The following TFDP2 variants were observed in gnomAD, a reference collection of about 807,000 sequenced individuals.
The protein encoded by TFDP2 is transcription factor Dp-2 (E2F dimerization partner 2).
A neutral mutation model predicts 59.3 loss-of-function variants in TFDP2; 17 were observed. The ratio of observed to expected loss-of-function variants is 0.29; its 90% CI spans 0.20 to 0.43. The LOEUF (loss-of-function observed/expected upper bound fraction) is 0.43. Ranked by LOEUF, TFDP2 falls within the 20% of genes least tolerant of loss-of-function variation. The probability of loss-of-function intolerance (pLI) is 1.00; values close to 1 mark genes in which losing one functional copy is unlikely to be tolerated. For synonymous variants in TFDP2, 180 were observed against 194.7 expected, an observed-to-expected ratio of 0.92 and a Z score of 0.63; for missense variants, 391 against 528.8, an observed-to-expected ratio of 0.74 and a Z score of 2.56.
At chr3:141,957,463 G>A (rs1039577925) in intron 11 of TFDP2, among the ~76,000 whole-genome samples, 19 of 152,064 alleles carry the variant, frequency 1.2e-4, no homozygotes, top group Admixed American at 5.9e-4. Flanking sequence ...TTCACTCGTA[G>A]GTATATGTTT....
intron 3 of TFDP2, among the ~76,000 whole-genome samples, chr3:142,083,719 T>C (rs1202787932): frequency 3.3e-5 from 5 of 152,188 alleles, no homozygotes; most frequent in Admixed American, 6.5e-5. Flanking sequence ...AGTGAACTCA[T>C]TTTCCACAAA....
At chr3:141,997,706 T>A (rs1444202187) in intron 4 of TFDP2, among the ~76,000 whole-genome samples, 1 of 151,450 alleles carries the variant, frequency 6.6e-6, no homozygotes, top group Non-Finnish European at 1.5e-5. Flanking sequence ...AAAAATTAGC[T>A]GGGCGTGGGG....
At chr3:142,055,183 G>T (rs929769206) in intron 3 of TFDP2, among the ~76,000 whole-genome samples, 7 of 152,158 alleles carry the variant, frequency 4.6e-5, no homozygotes, top group African/African-American at 1.7e-4. Flanking sequence ...AGAGAAATGA[G>T]CTATTTTAGA....
intron 3 of TFDP2, among the ~76,000 whole-genome samples, chr3:142,038,711 T>C (rs928897720): frequency 2.0e-5 from 3 of 152,058 alleles, no homozygotes; most frequent in Non-Finnish European, 4.4e-5. Flanking sequence ...TGTACACATA[T>C]CGAGTCTTTC....
chr3:142,118,639 T>C (rs930044789), intron 1 of TFDP2, among the ~76,000 whole-genome samples: 1 of 152,038 alleles, frequency 6.6e-6, no homozygotes, highest in African/African-American at 2.4e-5. Flanking sequence ...TACTTTGGCA[T>C]TGAACCAAAA....
intron 3 of TFDP2, among the ~76,000 whole-genome samples, chr3:142,018,333 T>C (rs1013031705): frequency 6.6e-6 from 1 of 152,234 alleles, no homozygotes; most frequent in Non-Finnish European, 1.5e-5. Flanking sequence ...AAAGTTTTAG[T>C]ATTACATATA....
intron 3 of TFDP2, among the ~76,000 whole-genome samples, chr3:142,078,274 A>G (rs1466417484): frequency 1.3e-5 from 2 of 152,162 alleles, no homozygotes; most frequent in African/African-American, 4.8e-5. Context: ...AGGGAAGAAC[A>G]CAAACCCAGC....
intron 3 of TFDP2, among the ~76,000 whole-genome samples, chr3:142,037,011 G>A (rs1946724151): frequency 6.6e-6 from 1 of 152,172 alleles, no homozygotes; most frequent in South Asian, 2.1e-4. Context: ...ATGACCTCGA[G>A]TGTAACCTAA....
intron 3 of TFDP2, among the ~76,000 whole-genome samples, chr3:142,091,967 C>G (rs2061010017): frequency 6.6e-6 from 1 of 152,102 alleles, no homozygotes; most frequent in South Asian, 2.1e-4. Flanking sequence ...GACATAAACC[C>G]TTTAAGGAAG....
intron 6 of TFDP2, among the ~76,000 whole-genome samples, chr3:141,979,833 C>A (rs1941258644): frequency 2.0e-5 from 3 of 151,810 alleles, no homozygotes; most frequent in Admixed American, 1.3e-4. Context: ...AGGTGATCTG[C>A]CTGCCTCGGC....
chr3:142,034,253 G>A (rs150780190), intron 3 of TFDP2, among the ~76,000 whole-genome samples: 60 of 151,790 alleles, frequency 4.0e-4, no homozygotes, highest in Non-Finnish European at 7.1e-4. Context: ...GCGCCACCAC[G>A]CCTGGCTAAT....
rs1936181408 is a variant in TFDP2 at position 141,953,523 on chromosome 3, C to G, written c.1052-507G>C. Among the ~76,000 whole-genome samples the G allele has an allele frequency of 2.0e-5, 3 of 152,296 alleles. No homozygotes were observed. In the South Asian group the frequency reaches 6.2e-4, roughly 32 times the overall value. On this transcript the variant is annotated intron_variant, in intron 11 of 12. Coordinates refer to ENST00000489671, the MANE Select transcript of TFDP2 (RefSeq NM_001178139.2). ...CCCGCCGCAATGTCTTTTCAGGTGC[C>G]TGCTGCTGGTGAACTCAATGCTGCT...
At chr3:141,967,457 T>A (rs1219822596) in intron 9 of TFDP2, among the ~76,000 whole-genome samples, 1 of 151,762 alleles carries the variant, frequency 6.6e-6, no homozygotes, top group Non-Finnish European at 1.5e-5. Context: ...CATGCCTGGC[T>A]AATTTTTTGT....
chr3:142,087,498 C>T (rs1454461010), intron 3 of TFDP2, among the ~76,000 whole-genome samples: 1 of 149,630 alleles, frequency 6.7e-6, no homozygotes, highest in African/African-American at 2.5e-5. Flanking sequence ...TCACATACTT[C>T]TTTTCTTTTT....
chr3:141,954,464 C>T (rs1422313063), intron 11 of TFDP2, among the ~76,000 whole-genome samples: 1 of 151,826 alleles, frequency 6.6e-6, no homozygotes, highest in African/African-American at 2.4e-5. Context: ...TAGCAAAGCC[C>T]CATCTCTATT....
chr3:142,085,082 G>A (rs575548951), intron 3 of TFDP2, among the ~76,000 whole-genome samples: 75 of 152,004 alleles, frequency 4.9e-4, no homozygotes, highest in South Asian at 2.7e-3. Context: ...CACCACACTC[G>A]GCTAATTTTT....
chr3:142,080,853 A>C (rs1184738301), intron 3 of TFDP2, among the ~76,000 whole-genome samples: 2 of 152,224 alleles, frequency 1.3e-5, no homozygotes, highest in Non-Finnish European at 2.9e-5. Flanking sequence ...TATTACTGCT[A>C]AACAGACAGA....
At chr3:142,095,059 C>T (rs962563857) in intron 2 of TFDP2, among the ~76,000 whole-genome samples, 11 of 151,822 alleles carry the variant, frequency 7.2e-5, no homozygotes, top group African/African-American at 1.9e-4. Flanking sequence ...GGCACAATCT[C>T]GGCTTACTGT....
intron 3 of TFDP2, among the ~76,000 whole-genome samples, chr3:142,076,858 C>T (rs892089165): frequency 3.9e-5 from 6 of 152,152 alleles, no homozygotes; most frequent in Non-Finnish European, 7.3e-5. Context: ...CAACTATCTA[C>T]ACAAAAAAGT....
Sources: allele counts gnomAD v4.1 joint callset (sites outside exome capture counted in the v4.1 genomes callset), GRCh38; gene constraint gnomAD v4.1.1; transcripts MANE v1.5; gene names NCBI Gene and HGNC (gene_info 2026-07-23, HGNC 2026-07-21).